DBH: variants seen among roughly 807,000 people sequenced by gnomAD.
DBH encodes the protein dopamine beta-hydroxylase, also known as dopamine beta-hydroxylase (dopamine beta-monooxygenase).
Under a neutral mutation model 64.0 loss-of-function variants are expected in DBH, and 49 were observed. That is an observed-to-expected ratio of 0.77 (90% CI 0.61 to 0.97). DBH has a LOEUF of 0.97. Among genes scored for constraint, DBH ranks in the 50% least tolerant of loss-of-function variants. DBH has a pLI of 0.00. For synonymous variants in DBH, 343 were observed against 347.1 expected (o/e 0.99, Z 0.13); for missense variants, 828 against 826.6 (o/e 1.00, Z -0.02).
intron 6 of DBH, among the ~76,000 whole-genome samples, chr9:133,650,811 G>A (rs545193467): frequency 2.0e-5 from 3 of 152,078 alleles, no homozygotes; most frequent in South Asian, 2.1e-4. Context: ...GCCTCCCAAA[G>A]TGCTGGGATT....
chr9:133,648,357 G>T (rs1179741017), intron 6 of DBH, among the ~76,000 whole-genome samples: 2 of 152,210 alleles, frequency 1.3e-5, no homozygotes, highest in African/African-American at 4.8e-5. Flanking sequence ...TAAAGAGAAC[G>T]CTCCCCTCAT....
intron 2 of DBH, among the ~76,000 whole-genome samples, chr9:133,641,575 A>G (rs1461673537): frequency 1.3e-5 from 2 of 152,202 alleles, no homozygotes; most frequent in South Asian, 4.1e-4. Context: ...TATGAAAGGC[A>G]CTTTCCACAC....
intron 6 of DBH, among the ~76,000 whole-genome samples, chr9:133,651,215 C>T (rs1007168550): frequency 6.6e-6 from 1 of 152,254 alleles, no homozygotes; most frequent in Non-Finnish European, 1.5e-5. Context: ...CCACCTTCTG[C>T]CACTTGCTTT....
Position 133,636,377 on chromosome 9 carries a change from C to T in DBH, c.6C>T (p.Pro2=), listed in dbSNP as rs199920333. The T allele has an allele frequency of 2.0e-5, 32 of 1,608,712 alleles. No homozygotes were observed. Among genetic ancestry groups the T allele is most frequent in the East Asian group, 1.6e-4 (7 of 44,874 alleles). The stretch of plus-strand genomic sequence containing the variant: ...CCAGAGAGCTCACCCCAGCCATGCC[C>T]GCCCTCAGTCGCTGGGCCAGCCTGC... The part of the protein sequence containing the change: M[P]ALSRWASLPG... Residue 2 remains proline, a synonymous_variant, in exon 1 of 12, where the codon CCC becomes CCT. Coordinates refer to ENST00000393056, the MANE Select transcript of DBH (RefSeq NM_000787.4).
At position 133,658,385 on chromosome 9, in the gene DBH, A is replaced by T; in HGVS notation, c.1792A>T (p.Thr598Ser). Residue 598 changes from threonine to serine, a missense_variant, in exon 12 of 12, where the codon ACC becomes TCC. Coordinates refer to ENST00000393056, the MANE Select transcript of DBH (RefSeq NM_000787.4). The stretch of plus-strand genomic sequence containing the variant: ...GGAAGAGCCCACCCCACAGTGCCCC[A>T]CCAGCCAGGGCCGAAGCCCTGCTGG... ...TLEEPTPQCP[T>S]SQGRSPAGPT... 1 of 1,613,542 alleles carries T rather than the reference A, an allele frequency of 6.2e-7. No individual in the cohort carries two copies. Among genetic ancestry groups the T allele is most frequent in the Non-Finnish European group, 8.5e-7 (1 of 1,179,822 alleles).
At position 133,658,327 on chromosome 9, in the gene DBH, C is replaced by T. The variant is rs45446891; in HGVS notation, c.1734C>T (p.Asn578=). Residue 578 remains asparagine (N), a synonymous_variant, in exon 12 of 12, where the codon AAC becomes AAT. Coordinates refer to ENST00000393056, the MANE Select transcript of DBH (RefSeq NM_000787.4). ...SSAVRFQGEW[N]LQPLPKVIST... ...CCCCTTCCTTGCAGGGTGAATGGAA[C>T]CTGCAGCCCCTGCCCAAGGTCATCT... 26,280 of 1,613,902 alleles carry T rather than the reference C, an allele frequency of 0.016. 258 individuals carry two copies. The highest frequency in any genetic ancestry group is 0.037 in the Middle Eastern group (223 of 6,058).
intron 8 of DBH, among the ~76,000 whole-genome samples, 163 bp from the exon 9 acceptor site, chr9:133,652,777 G>A (rs1029628123): frequency 6.6e-6 from 1 of 152,162 alleles, no homozygotes; most frequent in Non-Finnish European, 1.5e-5. Flanking sequence ...CTCAGCCTGT[G>A]ACCTTCGCAC....
At chr9:133,658,200 T>A in intron 11 of DBH, 116 bp from the exon 12 acceptor site, 1 of 1,419,076 alleles carries the variant, frequency 7.0e-7, no homozygotes, top group Non-Finnish European at 9.9e-7. Context: ...GAGTTCAGTT[T>A]GAGACAAGCT....
At chr9:133,641,777 C>A (rs531365005) in intron 2 of DBH, among the ~76,000 whole-genome samples, 2 of 152,318 alleles carry the variant, frequency 1.3e-5, no homozygotes, top group East Asian at 3.9e-4. Flanking sequence ...CATCAGCAAG[C>A]CCCAGGGTGT....
chr9:133,654,088 C>T (rs1469421787), intron 9 of DBH, among the ~76,000 whole-genome samples: 1 of 144,252 alleles, frequency 6.9e-6, no homozygotes, highest in East Asian at 2.1e-4. Flanking sequence ...TGAGCCCAGA[C>T]TGCCAGTGGT....
chr9:133,647,250 A>T (rs1013385585), intron 5 of DBH, among the ~76,000 whole-genome samples: 3 of 152,180 alleles, frequency 2.0e-5, no homozygotes, highest in African/African-American at 4.8e-5. Flanking sequence ...TGCTCCTTGA[A>T]TGCTTCTTGT....
chr9:133,639,886 C>T lies in DBH; in HGVS notation c.380C>T (p.Pro127Leu), dbSNP rs1564208129. ...CAGAAGGGGCAGATCCACCTGGATC[C>T]CCAGCAGGACTACCAGCTGCTGCAG... ...SDQKGQIHLDPQQDYQLLQVQ... is the reference protein window; with the variant it reads ...SDQKGQIHLDLQQDYQLLQVQ... Residue 127 changes from proline (P) to leucine (L), a missense_variant, in exon 2 of 12, where the codon CCC becomes CTC. Pro to Leu is a moderately conservative substitution (Grantham distance 98). Coordinates refer to ENST00000393056, the MANE Select transcript of DBH (RefSeq NM_000787.4). The T allele has an allele frequency of 1.2e-6, 2 of 1,612,786 alleles. No homozygotes were observed. Among genetic ancestry groups the T allele is most frequent in the South Asian group, 2.2e-5 (2 of 90,746 alleles).
chr9:133,650,837 C>T (rs1832240364), intron 6 of DBH, among the ~76,000 whole-genome samples: 2 of 152,200 alleles, frequency 1.3e-5, no homozygotes, highest in Admixed American at 1.3e-4. Context: ...CATGAGCCAC[C>T]ATGCCCAGCC....
At chr9:133,646,947 G>C (rs1457218568) in intron 5 of DBH, among the ~76,000 whole-genome samples, 1 of 152,198 alleles carries the variant, frequency 6.6e-6, no homozygotes, top group African/African-American at 2.4e-5. Context: ...ATAATCAGGA[G>C]ACACAGTCTC....
chr9:133,647,725 G>A, intron 5 of DBH, 121 bp from the exon 6 acceptor site: 2 of 1,227,286 alleles, frequency 1.6e-6, no homozygotes, highest in Admixed American at 3.9e-5. Flanking sequence ...GAGCAGATGG[G>A]GGGTGACCGG....
chr9:133,639,584 A>G (rs772468522), intron 1 of DBH, among the ~76,000 whole-genome samples: 1 of 152,196 alleles, frequency 6.6e-6, no homozygotes, highest in Non-Finnish European at 1.5e-5. Flanking sequence ...CTGGCAAGTG[A>G]CAGCCCTGGT....
rs1235740868 is a variant in DBH, at chr9:133,643,015, CAGAG to C, written c.745-395_745-392del. Among the ~76,000 whole-genome samples, 1 of 152,086 alleles carries C rather than the reference CAGAG, an allele frequency of 6.6e-6. No homozygotes were observed. Among genetic ancestry groups the C allele is most frequent in the Non-Finnish European group, 1.5e-5 (1 of 68,006 alleles). The stretch of plus-strand genomic sequence containing the variant: ...AGGGGCATGTCCTTGAAGGTGCACT[CAGAG>C]AGGTTATGTGAGTGTCCAGAGTCAC... On this transcript the variant is annotated intron_variant, in intron 3 of 11. Transcript: ENST00000393056. This position sits in a 1 kb window ranked among gnomAD's most constrained non-coding sequence, Gnocchi z 5.3.
rs1005019790 is a variant in DBH at position 133,638,090 on chromosome 9, G to A, written c.339+1380G>A. Among the ~76,000 whole-genome samples the A allele has an allele frequency of 5.2e-4, 79 of 152,366 alleles. 1 individual carries two copies. The highest frequency in any genetic ancestry group is 1.9e-3 in the African/African-American group (77 of 41,586). On this transcript the variant is annotated intron_variant, in intron 1 of 11. Coordinates refer to ENST00000393056, the MANE Select transcript of DBH (RefSeq NM_000787.4). ...TCCCCCCTGCCTGCATTTCCCGGCT[G>A]CTAGGGAAGCCAGAGGAAGCCAGGT...
Position 133,636,602 on chromosome 9 carries a change from G to T in DBH, c.231G>T (p.Leu77=). ...YTQEAIHFQL[L]VRRLKAGVLF... ...AGGAGGCCATCCATTTCCAGCTCCT[G>T]GTGCGGAGGCTCAAGGCTGGCGTCC... The change falls in exon 1 of 12, where the codon CTG becomes CTT. Residue 77 remains leucine, a synonymous_variant. Transcript: ENST00000393056. 1 of 1,613,804 alleles carries T rather than the reference G, an allele frequency of 6.2e-7. No individual in the cohort carries two copies. The highest frequency in any genetic ancestry group is 8.5e-7 in the Non-Finnish European group (1 of 1,180,026).
Sources: gnomAD v4.1 joint callset for allele counts (sites outside exome capture counted in the v4.1 genomes callset) on GRCh38, gnomAD v4.1.1 for gene constraint, Gnocchi (gnomAD v3.1) non-coding constraint, MANE v1.5 for transcripts, NCBI Gene and HGNC (gene_info 2026-07-23, HGNC 2026-07-21) for gene names.